The following WDR41 variants were observed in gnomAD, a reference collection of about 807,000 sequenced individuals.
The protein encoded by WDR41 is WD repeat-containing protein 41.
In WDR41, 63 loss-of-function variants were observed where a neutral mutation model predicts 69.3. The observed-to-expected ratio is 0.91, with a 90% CI of 0.74 to 1.12. The LOEUF is 1.12. WDR41 is among the 50% of genes most tolerant of loss of function. The probability of loss-of-function intolerance (pLI) is 0.00; values close to 1 mark genes in which losing one functional copy is unlikely to be tolerated. For missense variants in WDR41, 543 were observed against 534.5 expected (o/e 1.02, Z -0.16); for synonymous variants, 185 against 192.1 (o/e 0.96, Z 0.31).
chr5:77,506,353 A>T (rs555777746), intron 1 of WDR41, among the ~76,000 whole-genome samples: 17 of 152,298 alleles, frequency 1.1e-4, no homozygotes, highest in Non-Finnish European at 2.1e-4. Flanking sequence ...ATCTCATGCC[A>T]TTAGAATGGT....
intron 7 of WDR41, among the ~76,000 whole-genome samples, chr5:77,450,313 A>C (rs1318444339): frequency 6.6e-6 from 1 of 152,212 alleles, no homozygotes; most frequent in African/African-American, 2.4e-5. Context: ...CTCAGTGAAG[A>C]CATAAGCAAC....
At chr5:77,521,650 C>T (rs1208467438) in intron 1 of WDR41, among the ~76,000 whole-genome samples, 1 of 152,192 alleles carries the variant, frequency 6.6e-6, no homozygotes, top group Non-Finnish European at 1.5e-5. Context: ...CAAAGCCTCA[C>T]CTGACCTGAC....
In WDR41 at chr5:77,607,620, C is replaced by T. The variant is rs147366312; in HGVS notation, c.42+12859G>A. ...GTATGATTCTTCTAGATATGTCATT[C>T]CAAGATAAGTGTGGTTTAAACACAT... On this transcript the variant is annotated intron_variant, in intron 1 of 5. Coordinates refer to the WDR41 transcript ENST00000509971. Among the ~76,000 whole-genome samples, 222 of 152,260 alleles carry T rather than the reference C, an allele frequency of 1.5e-3. 1 individual carries two copies. The highest frequency in any genetic ancestry group is 3.9e-3 in the South Asian group (19 of 4,828).
intron 7 of WDR41, among the ~76,000 whole-genome samples, chr5:77,451,046 A>G (rs1799609207): frequency 6.6e-6 from 1 of 152,162 alleles, no homozygotes; most frequent in South Asian, 2.1e-4. Flanking sequence ...TTGAGACTGG[A>G]ATTTTGGAAT....
At chr5:77,520,551 C>T (rs1460305679) in intron 1 of WDR41, among the ~76,000 whole-genome samples, 1 of 152,156 alleles carries the variant, frequency 6.6e-6, no homozygotes, top group East Asian at 1.9e-4. Context: ...CTGGTATATG[C>T]AGAATGACCA....
intron 1 of WDR41, among the ~76,000 whole-genome samples, chr5:77,606,669 A>G (rs894951179): frequency 1.3e-5 from 2 of 151,814 alleles, no homozygotes; most frequent in Non-Finnish European, 2.9e-5. Flanking sequence ...CAGGTGTGGT[A>G]GCACACACCA....
intron 1 of WDR41, among the ~76,000 whole-genome samples, chr5:77,500,573 A>G (rs1802003123): frequency 6.6e-6 from 1 of 152,238 alleles, no homozygotes; most frequent in South Asian, 2.1e-4. Flanking sequence ...AAAATTTAAC[A>G]ACTGATGAAA....
intron 1 of WDR41, chr5:77,491,162 G>A: frequency 2.5e-6 from 1 of 404,606 alleles, no homozygotes; most frequent in Non-Finnish European, 5.0e-6. Context: ...AAGTGAAAAT[G>A]GCCGGTCCTC....
At chr5:77,519,207 A>G (rs1802337044) in intron 1 of WDR41, among the ~76,000 whole-genome samples, 1 of 152,022 alleles carries the variant, frequency 6.6e-6, no homozygotes, top group African/African-American at 2.4e-5. Context: ...AGTAAAATAA[A>G]CTTGTTTAAA....
chr5:77,514,464 A>G (rs1043628556), intron 1 of WDR41, among the ~76,000 whole-genome samples: 1 of 152,182 alleles, frequency 6.6e-6, no homozygotes, highest in African/African-American at 2.4e-5. Context: ...TTTCCTATAC[A>G]GCAATAACCA....
At chr5:77,492,411 AC>A, upstream of WDR41, 1 of 656,804 alleles carries the variant, frequency 1.5e-6, no homozygotes, top group Non-Finnish European at 2.4e-6. Context: ...GCGCTCCCGT[AC>A]CCAGCCACGG....
chr5:77,440,766 TTA>T, intron 9 of WDR41, 45 bp downstream of exon 9: 1 of 1,573,082 alleles, frequency 6.4e-7, no homozygotes, highest in East Asian at 2.2e-5. Context: ...AGAAATTGGG[TTA>T]TATATGTCAA....
At chr5:77,437,557 A>C in intron 10 of WDR41, 133 bp from the exon 11 acceptor site, 2 of 774,616 alleles carry the variant, frequency 2.6e-6, no homozygotes, top group South Asian at 3.0e-5. Flanking sequence ...CAAAAATCAC[A>C]ATTTAGCATG....
intron 5 of WDR41, among the ~76,000 whole-genome samples, chr5:77,456,480 G>C (rs1360036933): frequency 6.6e-6 from 1 of 152,224 alleles, no homozygotes; most frequent in Middle Eastern, 3.4e-3. Context: ...GTTTGGTTGT[G>C]GACTTAGGAT....
intron 1 of WDR41, among the ~76,000 whole-genome samples, chr5:77,575,900 TC>T (rs1300541339): frequency 2.7e-5 from 4 of 150,816 alleles, no homozygotes; most frequent in African/African-American, 9.8e-5. Context: ...ATGCACCGAG[TC>T]TACAAAATCC....
chr5:77,492,787 C>T (rs962730842), upstream of WDR41, among the ~76,000 whole-genome samples: 1 of 137,314 alleles, frequency 7.3e-6, no homozygotes, highest in African/African-American at 3.6e-5. Context: ...ATCCGGCCAA[C>T]ATTTACTGTG....
In WDR41 at chr5:77,541,835, G is replaced by A. The variant is rs190896714; in HGVS notation, c.43-52263C>T. ...ACACTGTTGGTGGAAGTATATATTA[G>A]TTCAACCATTGTGGAAGACAGTATG... On this transcript the variant is annotated intron_variant, in intron 1 of 5. Coordinates refer to the WDR41 transcript ENST00000509971. Among the ~76,000 whole-genome samples, 273 of 152,286 alleles carry A rather than the reference G, an allele frequency of 1.8e-3. 2 individuals carry two copies. The highest frequency in any genetic ancestry group is 6.3e-3 in the African/African-American group (262 of 41,570).
chr5:77,528,520 A>G (rs139117260), intron 1 of WDR41, among the ~76,000 whole-genome samples: 157 of 151,882 alleles, frequency 1.0e-3, no homozygotes, highest in African/African-American at 3.7e-3. Context: ...ACTATCATTC[A>G]ACTTCTTCTG....
At chr5:77,457,790 CTAAA>C (rs1225777486) in intron 5 of WDR41, among the ~76,000 whole-genome samples, 1 of 138,496 alleles carries the variant, frequency 7.2e-6, no homozygotes, top group Non-Finnish European at 1.5e-5. Flanking sequence ...AACCACTGAA[CTAAA>C]TGAGTGCAAT....
Sources: gnomAD v4.1 joint callset for allele counts (sites outside exome capture counted in the v4.1 genomes callset) on GRCh38, gnomAD v4.1.1 for gene constraint, MANE v1.5 for transcripts, NCBI Gene and HGNC (gene_info 2026-07-23, HGNC 2026-07-21) for gene names.